Variants in LRRC27 observed in about 807,000 individuals in gnomAD.
LRRC27 encodes the protein leucine rich repeat containing 27.
LRRC27 carries 57 observed loss-of-function variants against 55.0 expected under a neutral mutation model. The ratio of observed to expected loss-of-function variants is 1.04; its 90% confidence interval spans 0.84 to 1.29. The LOEUF is 1.29. Ranked by LOEUF, LRRC27 falls within the 50% of genes most tolerant of loss-of-function variation. The probability of loss-of-function intolerance (pLI) is 0.00; values close to 1 mark genes in which losing one functional copy is unlikely to be tolerated. For missense variants in LRRC27, 721 were observed against 651.5 expected, an observed-to-expected ratio of 1.11 and a Z score of -1.16; for synonymous variants, 278 against 251.9, an observed-to-expected ratio of 1.10 and a Z score of -0.98.
At chr10:132,357,122 G>C (rs898050397) in intron 8 of LRRC27, among the ~76,000 whole-genome samples, 1 of 152,168 alleles carries the variant, frequency 6.6e-6, no homozygotes, top group Non-Finnish European at 1.5e-5. Context: ...TCTCCCCCCG[G>C]CCCAGCTTCC....
intron 3 of LRRC27, among the ~76,000 whole-genome samples, chr10:132,338,796 A>C (rs541561260): frequency 7.2e-6 from 1 of 138,138 alleles, no homozygotes; most frequent in East Asian, 2.1e-4. Flanking sequence ...TGCAACCTCT[A>C]CCTCCTGGTT....
At chr10:132,337,187 G>A (rs1022779799) in intron 2 of LRRC27, 80 of 1,170,356 alleles carry the variant, frequency 6.8e-5, no homozygotes, top group Non-Finnish European at 7.8e-5. Flanking sequence ...AGGCGATTTC[G>A]GGGGCTGCCG....
intron 10 of LRRC27, among the ~76,000 whole-genome samples, chr10:132,370,008 C>T (rs143378370): frequency 6.6e-5 from 10 of 152,248 alleles, no homozygotes; most frequent in Non-Finnish European, 1.3e-4. Context: ...AGGAGGAAGG[C>T]GGTGCCACCC....
At chr10:132,368,895 T>C (rs947827552) in intron 10 of LRRC27, among the ~76,000 whole-genome samples, 14 of 152,088 alleles carry the variant, frequency 9.2e-5, no homozygotes, top group African/African-American at 3.4e-4. Context: ...TTGGAAAAGA[T>C]ACACCCGATA....
chr10:132,341,053 T>C (rs1056587042), intron 3 of LRRC27, among the ~76,000 whole-genome samples: 1 of 152,156 alleles, frequency 6.6e-6, no homozygotes, highest in African/African-American at 2.4e-5. Context: ...CCCAGCACTT[T>C]GAGAGGCTGA....
chr10:132,341,596 CT>C (rs796230559), intron 3 of LRRC27, among the ~76,000 whole-genome samples: 63 of 152,194 alleles, frequency 4.1e-4, no homozygotes, highest in African/African-American at 1.5e-3. Flanking sequence ...AAGTAGATGC[CT>C]TCCCGAAATG....
chr10:132,377,969 CAGG>C lies in LRRC27; in HGVS notation c.*2730_*2732del, dbSNP rs1352709499. Reference sequence around the variant, plus strand: ...GGCCGAGGCGAGTGGATCACGAGGTCAGGAGATCGAGACCATCCTGGCTAACAC... The same window carrying C: ...GGCCGAGGCGAGTGGATCACGAGGTCAGATCGAGACCATCCTGGCTAACAC... On this transcript the variant is annotated 3_prime_UTR_variant, in exon 11 of 11. Transcript: ENST00000368614. 1 of 152,152 alleles carries C rather than the reference CAGG, an allele frequency of 6.6e-6. No individual in the cohort carries two copies. Among genetic ancestry groups the C allele is most frequent in the Non-Finnish European group, 1.5e-5 (1 of 68,032 alleles). 9.4% of individuals were successfully genotyped at this position (152,152 alleles called of 1,614,324 possible). A position where few individuals can be genotyped will look rare whatever the true frequency, so the allele number is the denominator to read the frequency against.
rs2069355686 is a variant in LRRC27, at chr10:132,377,653, A to G, written c.*2411A>G. 1.3e-5 allele frequency: 2 copies of G among 152,194 alleles called. No homozygotes were observed. The highest frequency in any genetic ancestry group is 1.9e-4 in the East Asian group (1 of 5,196). 9.4% of individuals were successfully genotyped at this position (152,194 alleles called of 1,614,324 possible). The stretch of plus-strand genomic sequence containing the variant: ...CGATGCTCTTCCTTCCTGCAGCTTC[A>G]TGCTCCAATGAGGGCTGATTTTCAT... On this transcript the variant is annotated 3_prime_UTR_variant, in exon 11 of 11. Coordinates refer to ENST00000368614, the MANE Select transcript of LRRC27 (RefSeq NM_030626.3).
intron 4 of LRRC27, among the ~76,000 whole-genome samples, chr10:132,343,637 G>A (rs2067528629): frequency 6.6e-6 from 1 of 152,246 alleles, no homozygotes; most frequent in African/African-American, 2.4e-5. Context: ...GCTCAGGGCA[G>A]AGCCCATTAA....
At position 132,372,594 on chromosome 10, in the gene LRRC27, A is replaced by C. The variant is rs759650839; in HGVS notation, c.1417-2472A>C. ...AAAAAACAAAAAGGAAGCGGAGTCT[A>C]TACAGGTCACGCCAGGGCCCTGGGT... On this transcript the variant is annotated intron_variant, in intron 10 of 10. Coordinates refer to ENST00000368614, the MANE Select transcript of LRRC27 (RefSeq NM_030626.3). The surrounding 1 kb of genome is among the most constrained non-coding windows in gnomAD (Gnocchi z 4.0). 8.5e-5 allele frequency among the ~76,000 whole-genome samples: 13 copies of C among 152,142 alleles called. No individual in the cohort carries two copies. Among genetic ancestry groups the C allele is most frequent in the Non-Finnish European group, 1.2e-4 (8 of 68,020 alleles).
chr10:132,355,924 G>T, intron 8 of LRRC27, 38 bp downstream of exon 8: 1 of 1,420,054 alleles, frequency 7.0e-7, no homozygotes, highest in Non-Finnish European at 9.7e-7. Flanking sequence ...CACTAGTCCA[G>T]TCCCGGGGGT....
chr10:132,344,032 C>A (rs190573352), intron 4 of LRRC27, among the ~76,000 whole-genome samples: 1 of 152,216 alleles, frequency 6.6e-6, no homozygotes. Context: ...ACACAATTTT[C>A]TTCATTTGCT....
At chr10:132,331,316 TC>T (rs2138528013), upstream of LRRC27, 2 of 979,480 alleles carry the variant, frequency 2.0e-6, no homozygotes, top group East Asian at 5.3e-5. Context: ...ATCAGTTGGA[TC>T]CTGGAATGAA....
intron 9 of LRRC27, among the ~76,000 whole-genome samples, chr10:132,361,812 T>A (rs1448988638): frequency 1.3e-5 from 2 of 151,954 alleles, no homozygotes; most frequent in Non-Finnish European, 2.9e-5. Context: ...CTCCTGTAGG[T>A]CACCAGGATA....
intron 8 of LRRC27, among the ~76,000 whole-genome samples, chr10:132,359,932 T>C (rs977477163): frequency 2.0e-5 from 3 of 152,212 alleles, no homozygotes; most frequent in Admixed American, 6.5e-5. Flanking sequence ...CGTGTTTATA[T>C]TTGGTTCTTT....
intron 10 of LRRC27, among the ~76,000 whole-genome samples, chr10:132,370,347 G>A (rs577677899): frequency 1.2e-4 from 19 of 152,358 alleles, no homozygotes; most frequent in African/African-American, 4.3e-4. Flanking sequence ...CTGCCCAGGA[G>A]ACAGGGACAT....
intron 7 of LRRC27, among the ~76,000 whole-genome samples, chr10:132,355,117 C>T (rs563093164): frequency 6.6e-6 from 1 of 152,270 alleles, no homozygotes; most frequent in South Asian, 2.1e-4. Context: ...GCTCCGTCAC[C>T]CAGGCTGGAG....
chr10:132,362,509 C>T (rs951577550), intron 9 of LRRC27, among the ~76,000 whole-genome samples: 4 of 152,126 alleles, frequency 2.6e-5, no homozygotes, highest in Admixed American at 2.6e-4. Flanking sequence ...AAGGCAAGGA[C>T]GGAAGCTGGA....
Position 132,374,994 on chromosome 10 carries a change from G to A in LRRC27, c.1417-72G>A. 6.7e-7 allele frequency: 1 copy of A among 1,482,432 alleles called. No individual in the cohort carries two copies. The highest frequency in any genetic ancestry group is 9.2e-7 in the Non-Finnish European group (1 of 1,088,778). 91.8% of individuals were successfully genotyped at this position (1,482,432 alleles called of 1,614,324 possible). On this transcript the variant is annotated intron_variant, in intron 10 of 10. Coordinates refer to ENST00000368614, the MANE Select transcript of LRRC27 (RefSeq NM_030626.3). The surrounding 1 kb of genome is among the most constrained non-coding windows in gnomAD (Gnocchi z 4.4). ...ATGGCCTGGGCCCCACGTGGAATCTGAGCCAGAGACGTGGTGACGCCCTAA... is the reference window on the plus strand; with the variant it reads ...ATGGCCTGGGCCCCACGTGGAATCTAAGCCAGAGACGTGGTGACGCCCTAA...
Sources: allele counts gnomAD v4.1 joint callset (sites outside exome capture counted in the v4.1 genomes callset), GRCh38; gene constraint gnomAD v4.1.1; non-coding constraint Gnocchi (gnomAD v3.1); transcripts MANE v1.5; gene names NCBI Gene and HGNC (gene_info 2026-07-23, HGNC 2026-07-21).